The following EHMT1 variants were observed in gnomAD, a reference collection of about 807,000 sequenced individuals.
The protein encoded by EHMT1 is histone-lysine N-methyltransferase EHMT1.
A neutral mutation model predicts 147.2 loss-of-function variants in EHMT1; 15 were observed. That is an observed-to-expected ratio of 0.10 (90% CI 0.07 to 0.16). The LOEUF is 0.16. EHMT1 is among the 10% of genes least tolerant of loss of function. The pLI is 1.00. For missense variants in EHMT1, 1,587 were observed against 1,772.4 expected, an observed-to-expected ratio of 0.90 and a Z score of 1.88; for synonymous variants, 795 against 709.6, an observed-to-expected ratio of 1.12 and a Z score of -1.91.
At chr9:137,650,618 CT>C (rs1264995862) in intron 1 of EHMT1, among the ~76,000 whole-genome samples, 2 of 144,544 alleles carry the variant, frequency 1.4e-5, no homozygotes, top group African/African-American at 5.1e-5. Flanking sequence ...TACAGATGTT[CT>C]TTATATATTA....
intron 1 of EHMT1, among the ~76,000 whole-genome samples, chr9:137,686,730 CTTTTTTTT>C (rs34204547): frequency 1.8e-5 from 2 of 111,010 alleles, no homozygotes; most frequent in African/African-American, 6.9e-5. Context: ...CTCATTCTTT[CTTTTTTTT>C]TTTTTTTTTT....
chr9:137,621,733 C>G (rs1175165745), intron 1 of EHMT1, among the ~76,000 whole-genome samples: 1 of 152,182 alleles, frequency 6.6e-6, no homozygotes, highest in Non-Finnish European at 1.5e-5. Flanking sequence ...CACTGAGGAT[C>G]AGATCCTAGG....
At chr9:137,723,409 C>T (rs1208155089) in intron 3 of EHMT1, among the ~76,000 whole-genome samples, 5 of 127,024 alleles carry the variant, frequency 3.9e-5, no homozygotes, top group African/African-American at 1.2e-4. Context: ...CGGGGTGTGC[C>T]CTGTGTCTGT....
At chr9:137,692,698 G>C (rs1289636053) in intron 1 of EHMT1, among the ~76,000 whole-genome samples, 1 of 152,176 alleles carries the variant, frequency 6.6e-6, no homozygotes, top group African/African-American at 2.4e-5. Context: ...TCTGCGCGCT[G>C]GTCAGAAGCA....
chr9:137,799,168 G>C (rs900434589), intron 17 of EHMT1, among the ~76,000 whole-genome samples: 26 of 130,082 alleles, frequency 2.0e-4, no homozygotes, highest in Admixed American at 4.3e-4. Flanking sequence ...GACCCTCCAC[G>C]GCATCGCCTT....
intron 6 of EHMT1, among the ~76,000 whole-genome samples, chr9:137,749,217 A>C (rs1034203651): frequency 2.6e-5 from 4 of 151,932 alleles, no homozygotes; most frequent in Non-Finnish European, 4.4e-5. Flanking sequence ...TTCCTGTTTC[A>C]CTTGGGTGTC....
chr9:137,698,087 C>G (rs1943549714), intron 1 of EHMT1, among the ~76,000 whole-genome samples: 2 of 152,202 alleles, frequency 1.3e-5, no homozygotes, highest in East Asian at 1.9e-4. Flanking sequence ...GCCTCACTCC[C>G]TGGCTTTCAC....
chr9:137,743,878 G>A lies in EHMT1; in HGVS notation c.982-24G>A, dbSNP rs369709381. 2.6e-4 allele frequency: 412 copies of A among 1,599,410 alleles called. 1 individual carries two copies. The highest frequency in any genetic ancestry group is 3.4e-4 in the Non-Finnish European group (400 of 1,175,070). On this transcript the variant is annotated intron_variant, in intron 5 of 26. Transcript: ENST00000460843. ...ATGATGCGCACTGATCCTGCCTTGGGGTATACACCTGCCCGTGTTCTAGGG... is the reference window on the plus strand; with the variant it reads ...ATGATGCGCACTGATCCTGCCTTGGAGTATACACCTGCCCGTGTTCTAGGG...
intron 1 of EHMT1, chr9:137,638,309 C>A (rs951893823): frequency 6.6e-5 from 10 of 152,132 alleles, no homozygotes; most frequent in African/African-American, 2.4e-4. Context: ...GGAGTTTCAC[C>A]ATGTTGGCTG....
chr9:137,664,605 A>G (rs1275250087), intron 1 of EHMT1, among the ~76,000 whole-genome samples: 3 of 151,622 alleles, frequency 2.0e-5, no homozygotes, highest in Admixed American at 2.0e-4. Context: ...TTGCCAGTTC[A>G]ATAAGTGGAA....
chr9:137,662,470 T>G (rs1037365516), intron 1 of EHMT1, among the ~76,000 whole-genome samples: 1 of 152,000 alleles, frequency 6.6e-6, no homozygotes, highest in African/African-American at 2.4e-5. Flanking sequence ...AGTGTTGGGA[T>G]TATAATAGGT....
rs1372589726 is a variant in EHMT1, at chr9:137,775,387, T to A, written c.1791+135T>A. The A allele has an allele frequency of 2.3e-5, 30 of 1,315,292 alleles. No homozygotes were observed. The highest frequency in any genetic ancestry group is 3.1e-5 in the Non-Finnish European group (30 of 956,244). 81.5% of individuals were successfully genotyped at this position (1,315,292 alleles called of 1,614,324 possible). A position where few individuals can be genotyped will look rare whatever the true frequency, so the allele number is the denominator to read the frequency against. On this transcript the variant is annotated intron_variant, in intron 11 of 26. Coordinates refer to ENST00000460843, the MANE Select transcript of EHMT1 (RefSeq NM_024757.5). This position sits in a 1 kb window ranked among gnomAD's most constrained non-coding sequence, Gnocchi z 6.1. ...CCCAGGTCTGGTGTCCGTCTGGAGG[T>A]CTCCAGTGTTCACAAGCCCCTCACC...
At chr9:137,721,322 AC>A (rs145983596) in intron 3 of EHMT1, among the ~76,000 whole-genome samples, 1 of 9,676 alleles carries the variant, frequency 1.0e-4, no homozygotes, top group Non-Finnish European at 1.8e-4. Context: ...TCTCACACTC[AC>A]CCCTCCCAGA....
chr9:137,660,680 G>C (rs1469935138), intron 1 of EHMT1, among the ~76,000 whole-genome samples: 1 of 152,154 alleles, frequency 6.6e-6, no homozygotes, highest in Non-Finnish European at 1.5e-5. Context: ...CTGACTATTT[G>C]TGAGCACAGT....
intron 25 of EHMT1, among the ~76,000 whole-genome samples, chr9:137,833,728 G>A (rs1956386485): frequency 6.6e-6 from 1 of 152,250 alleles, no homozygotes; most frequent in South Asian, 2.1e-4. Context: ...GCACCAGGGT[G>A]AGGAGGACGC....
rs1950969769 is a variant in EHMT1 at position 137,776,488 on chromosome 9, C to T, written c.1792-130C>T. 1.2e-6 allele frequency: 1 copy of T among 855,254 alleles called. No homozygotes were observed. The allele number at this position is 855,254 out of a possible 1,614,324, so 53.0% of individuals were successfully genotyped here. The stretch of plus-strand genomic sequence containing the variant: ...ACGATGCCTGGGGCCAAGACTGGAC[C>T]CCACCCCGACCCATGGCTCACTCTG... On this transcript the variant is annotated intron_variant, in intron 11 of 26. Coordinates refer to ENST00000460843, the MANE Select transcript of EHMT1 (RefSeq NM_024757.5). The surrounding 1 kb of genome is among the most constrained non-coding windows in gnomAD (Gnocchi z 4.4).
rs187711313 is a variant in EHMT1, at chr9:137,792,273, C to T, written c.2505+1303C>T. 4.8e-5 allele frequency: 16 copies of T among 334,198 alleles called. No homozygotes were observed. The East Asian group carries it at 1.1e-3, about 24-fold the overall frequency. The allele number at this position is 334,198 out of a possible 1,614,324, so 20.7% of individuals were successfully genotyped here. On this transcript the variant is annotated intron_variant, in intron 16 of 26. Coordinates refer to ENST00000460843, the MANE Select transcript of EHMT1 (RefSeq NM_024757.5). ...AGAAATAAACGATTGCATATATGGTCACTGATTTTTGGCAAAGGTTACAAA... is the reference window on the plus strand; with the variant it reads ...AGAAATAAACGATTGCATATATGGTTACTGATTTTTGGCAAAGGTTACAAA...
At chr9:137,733,818 A>G (rs80314874) in intron 4 of EHMT1, among the ~76,000 whole-genome samples, 150 of 152,320 alleles carry the variant, frequency 9.8e-4, no homozygotes, top group African/African-American at 3.4e-3. Flanking sequence ...TTCAGAAGCA[A>G]CTGTGTATAT....
chr9:137,817,679 C>A, intron 24 of EHMT1, 154 bp downstream of exon 24: 1 of 920,266 alleles, frequency 1.1e-6, no homozygotes, highest in Non-Finnish European at 1.7e-6. Flanking sequence ...CCCCGAGAAC[C>A]AAGCTCGTGC....
Sources: allele counts gnomAD v4.1 joint callset (sites outside exome capture counted in the v4.1 genomes callset), GRCh38; gene constraint gnomAD v4.1.1; non-coding constraint Gnocchi (gnomAD v3.1); transcripts MANE v1.5; gene names NCBI Gene and HGNC (gene_info 2026-07-23, HGNC 2026-07-21).